The following MAP3K14 variants were observed in gnomAD, a reference collection of about 807,000 sequenced individuals.
MAP3K14 encodes the protein NF-kappa-beta-inducing kinase.
A neutral mutation model predicts 99.2 loss-of-function variants in MAP3K14; 16 were observed. The observed-to-expected ratio is 0.16, with a 90% CI of 0.11 to 0.24. The LOEUF is 0.24. Among genes scored for constraint, MAP3K14 ranks in the 10% least tolerant of loss-of-function variants. MAP3K14 has a pLI of 1.00. For synonymous variants in MAP3K14, 462 were observed against 492.4 expected (o/e 0.94, Z 0.82); for missense variants, 784 against 1,208.7 (o/e 0.65, Z 5.21).
At position 45,270,565 on chromosome 17, in the gene MAP3K14, T is replaced by TG. The variant is rs566215281; in HGVS notation, c.1822-3dup. 8.3e-5 allele frequency: 128 copies of TG among 1,546,602 alleles called. No homozygotes were observed. Among genetic ancestry groups the TG allele is most frequent in the Middle Eastern group, 1.9e-4 (1 of 5,304 alleles). On this transcript the variant is annotated splice_polypyrimidine_tract_variant and splice_region_variant and intron_variant, in intron 10 of 15. Coordinates refer to ENST00000344686, the MANE Select transcript of MAP3K14 (RefSeq NM_003954.5). ...CACAGGCGGAGGCTCGCTGGCAATC[T>TG]GGGGGGCAAAAGACAACAGGTGAGG...
chr17:45,267,828 G>A lies in MAP3K14; in HGVS notation c.1973-69C>T, dbSNP rs1481972505. 2.2e-6 allele frequency: 3 copies of A among 1,386,520 alleles called. No homozygotes were observed. The highest frequency in any genetic ancestry group is 1.2e-5 in the South Asian group (1 of 81,816). 85.9% of individuals were successfully genotyped at this position (1,386,520 alleles called of 1,614,324 possible). A position where few individuals can be genotyped will look rare whatever the true frequency, so the allele number is the denominator to read the frequency against. On this transcript the variant is annotated intron_variant, in intron 11 of 15. Transcript: ENST00000344686. This position sits in a 1 kb window ranked among gnomAD's most constrained non-coding sequence, Gnocchi z 5.1. ...ACAGACAGCGGTCCAGGCAGGAGCG[G>A]CCTCTCCTGAGTGCAGAAGGGCTAG... is the stretch of plus-strand genomic sequence containing the variant.
chr17:45,316,483 C>G (rs2044533961), intron 1 of MAP3K14, among the ~76,000 whole-genome samples: 1 of 152,246 alleles, frequency 6.6e-6, no homozygotes, highest in African/African-American at 2.4e-5. Context: ...TTAGCTCCTG[C>G]TCCCCGCCTT....
In MAP3K14 at chr17:45,276,290, T is replaced by C. The variant is rs565010340; in HGVS notation, c.1291-1697A>G. Among the ~76,000 whole-genome samples, 11 of 152,286 alleles carry C rather than the reference T, an allele frequency of 7.2e-5. No individual in the cohort carries two copies. In the East Asian group the frequency reaches 1.9e-3, roughly 27 times the overall value. On this transcript the variant is annotated intron_variant, in intron 6 of 15. Transcript: ENST00000344686. ...AAATAGGCCTTGGATATAAACATCT[T>C]GGGCTTAGATCCTGGCTCCGCCTTT...
intron 1 of MAP3K14, among the ~76,000 whole-genome samples, chr17:45,295,585 T>C (rs2044340805): frequency 6.6e-6 from 1 of 152,234 alleles, no homozygotes; most frequent in Admixed American, 6.5e-5. Context: ...TTTTCAGACA[T>C]GAAGATATGG....
chr17:45,265,358 G>T, intron 14 of MAP3K14, 95 bp from the exon 15 acceptor site: 1 of 803,188 alleles, frequency 1.2e-6, no homozygotes, highest in Non-Finnish European at 2.2e-6. Context: ...TTTGTTAAAA[G>T]TCACTCTGCC....
intron 1 of MAP3K14, among the ~76,000 whole-genome samples, chr17:45,300,594 G>T (rs1567999792): frequency 6.6e-6 from 1 of 152,140 alleles, no homozygotes; most frequent in East Asian, 1.9e-4. Context: ...TCAAAGGCAA[G>T]GCTCAGCCTC....
intron 6 of MAP3K14, among the ~76,000 whole-genome samples, chr17:45,277,983 C>G (rs868159088): frequency 6.6e-6 from 1 of 152,090 alleles, no homozygotes; most frequent in South Asian, 2.1e-4. Context: ...ATGGAAGGAC[C>G]CTTTTTCTTT....
In MAP3K14 at chr17:45,267,602, G is replaced by A; in HGVS notation, c.2130C>T (p.Ala710=). 1 of 1,613,084 alleles carries A rather than the reference G, an allele frequency of 6.2e-7. No homozygotes were observed. Among genetic ancestry groups the A allele is most frequent in the East Asian group, 2.2e-5 (1 of 44,882 alleles). ...PRPAEETTGR[A]PKLQPPLPPE... ...GTGGGAGAGGAGGCTGGAGCTTAGG[G>A]GCTCTGCCTGTTGTCTCCTCAGCTG... is the stretch of plus-strand genomic sequence containing the variant. The change falls in exon 12 of 16, where the codon GCC becomes GCT. Residue 710 remains alanine (A), a synonymous_variant. Transcript: ENST00000344686. This position sits in a 1 kb window ranked among gnomAD's most constrained non-coding sequence, Gnocchi z 5.1.
chr17:45,285,937 G>A (rs2044260987), intron 5 of MAP3K14, among the ~76,000 whole-genome samples: 1 of 148,570 alleles, frequency 6.7e-6, no homozygotes, highest in Non-Finnish European at 1.5e-5. Flanking sequence ...GGGTGACAGA[G>A]TGAGACTCTG....
chr17:45,284,681 G>A, intron 6 of MAP3K14, 131 bp downstream of exon 6: 1 of 1,229,666 alleles, frequency 8.1e-7, no homozygotes, highest in South Asian at 1.6e-5. Flanking sequence ...CAGGTGGCTA[G>A]TGATAGCCAA....
chr17:45,272,445 T>A lies in MAP3K14; in HGVS notation c.1657+1058A>T, dbSNP rs752729565. On this transcript the variant is annotated intron_variant, in intron 9 of 15. Transcript: ENST00000344686. The surrounding 1 kb of genome is among the most constrained non-coding windows in gnomAD (Gnocchi z 4.1). ...CACGGGTGGAGGTCAAGTGTCCACA[T>A]TCAATTTACATCTTCAGAATTGCCA... is the stretch of plus-strand genomic sequence containing the variant. Among the ~76,000 whole-genome samples the A allele has an allele frequency of 1.3e-5, 2 of 152,224 alleles. No homozygotes were observed. The highest frequency in any genetic ancestry group is 2.4e-5 in the African/African-American group (1 of 41,460).
Position 45,286,654 on chromosome 17 carries a change from G to A in MAP3K14, c.929C>T (p.Pro310Leu). ...CAGGTGTGGGCCAGGCAGGGGCTTT[G>A]GACTGTCTACACAGGCCAGTTTGCT... ...HLSKLACVDS[P>L]KPLPGPHLEP... The change falls in exon 5 of 16, where the codon CCA becomes CTA. Residue 310 changes from proline (P) to leucine (L), a missense_variant. This residue lies in a region of MAP3K14 where 138 missense variants were observed against 164.1 expected (regional missense o/e 0.84). Transcript: ENST00000344686. This position sits in a 1 kb window ranked among gnomAD's most constrained non-coding sequence, Gnocchi z 4.1. 1 of 1,610,362 alleles carries A rather than the reference G, an allele frequency of 6.2e-7. No individual in the cohort carries two copies. The highest frequency in any genetic ancestry group is 8.5e-7 in the Non-Finnish European group (1 of 1,178,498).
rs1026050176 is a variant in MAP3K14, at chr17:45,264,538, G to C, written c.*98C>G. ...CCCACTGCTGAGCCGGGGGCTGGCA[G>C]ATCCCTGGGAACGGCTGAGCCTGTG... On this transcript the variant is annotated 3_prime_UTR_variant, in exon 16 of 16. Coordinates refer to ENST00000344686, the MANE Select transcript of MAP3K14 (RefSeq NM_003954.5). 11 of 1,400,534 alleles carry C rather than the reference G, an allele frequency of 7.9e-6. No homozygotes were observed. The South Asian group carries it at 1.6e-4, about 21-fold the overall frequency. The allele number at this position is 1,400,534 out of a possible 1,614,324, so 86.8% of individuals were successfully genotyped here.
chr17:45,270,555 G>T lies in MAP3K14; in HGVS notation c.1830C>A (p.Ser610Arg). 1.3e-6 allele frequency: 2 copies of T among 1,551,290 alleles called. No homozygotes were observed. Among genetic ancestry groups the T allele is most frequent in the South Asian group, 1.2e-5 (1 of 82,436 alleles). The change falls in exon 11 of 16, where the codon AGC becomes AGA. Residue 610 changes from serine to arginine, a missense_variant. Physicochemically the swap from Ser to Arg is moderately radical, Grantham distance 110. Around this residue, in one of 5 missense-constraint regions of MAP3K14, gnomAD observed 200 missense variants for 367.9 expected, o/e 0.54. Transcript: ENST00000344686. ...FRGPLCLKIA[S>R]EPPPVREIPP... ...GGATCTCCCTCACAGGCGGAGGCTCGCTGGCAATCTGGGGGGCAAAAGACA... is the reference window on the plus strand; with the variant it reads ...GGATCTCCCTCACAGGCGGAGGCTCTCTGGCAATCTGGGGGGCAAAAGACA...
At chr17:45,298,948 G>A (rs2044366147) in intron 1 of MAP3K14, among the ~76,000 whole-genome samples, 1 of 152,228 alleles carries the variant, frequency 6.6e-6, no homozygotes, top group Non-Finnish European at 1.5e-5. Flanking sequence ...TGAGTCTGAA[G>A]CAGTGAGCAA....
chr17:45,293,207 G>T (rs1237095645), intron 1 of MAP3K14, among the ~76,000 whole-genome samples: 4 of 152,324 alleles, frequency 2.6e-5, no homozygotes, highest in Admixed American at 2.0e-4. Flanking sequence ...CCTGCCTGAT[G>T]AATGAGAAAA....
At chr17:45,273,717 T>C (rs1330074080) in intron 8 of MAP3K14, 110 bp from the exon 9 acceptor site, 1 of 792,756 alleles carries the variant, frequency 1.3e-6, no homozygotes, top group Non-Finnish European at 2.2e-6. Flanking sequence ...TGGCTGACCC[T>C]ACGTGGCAGC....
At chr17:45,304,735 A>AT (rs2044418289) in intron 1 of MAP3K14, among the ~76,000 whole-genome samples, 1 of 152,212 alleles carries the variant, frequency 6.6e-6, no homozygotes, top group Non-Finnish European at 1.5e-5. Flanking sequence ...TTCTTCCAAC[A>AT]TATTACTTAC....
chr17:45,271,930 C>T (rs546965526), intron 9 of MAP3K14, among the ~76,000 whole-genome samples: 8 of 152,192 alleles, frequency 5.3e-5, no homozygotes, highest in African/African-American at 1.4e-4. Context: ...AACTTATATG[C>T]GTAAAAGACT....
Sources: allele counts gnomAD v4.1 joint callset (sites outside exome capture counted in the v4.1 genomes callset), GRCh38; gene constraint gnomAD v4.1.1; regional missense constraint gnomAD v4.1.1; non-coding constraint Gnocchi (gnomAD v3.1); transcripts MANE v1.5; gene names NCBI Gene and HGNC (gene_info 2026-07-23, HGNC 2026-07-21).